ZNF518A: variants seen among roughly 807,000 people sequenced by gnomAD.
The protein encoded by ZNF518A is zinc finger protein 518A, also known as zinc finger protein 518.
ZNF518A carries 47 observed loss-of-function variants against 102.7 expected under a neutral mutation model. That is an observed-to-expected ratio of 0.46 (90% CI 0.36 to 0.58). The LOEUF (loss-of-function observed/expected upper bound fraction) is 0.58. ZNF518A is among the 20% of genes least tolerant of loss of function. The pLI is 0.00. For synonymous variants in ZNF518A, 652 were observed against 594.6 expected (o/e 1.10, Z -1.40); for missense variants, 1,793 against 1,699.8 (o/e 1.05, Z -0.96).
intron 3 of ZNF518A, among the ~76,000 whole-genome samples, chr10:96,146,192 C>T (rs1405392256): frequency 6.6e-6 from 1 of 151,994 alleles, no homozygotes; most frequent in Non-Finnish European, 1.5e-5. Flanking sequence ...TATTCCCTTA[C>T]AATACTGTAA....
At chr10:96,191,970 C>A in intron 1 of ZNF518A, 1 of 1,613,210 alleles carries the variant, frequency 6.2e-7, no homozygotes, top group Non-Finnish European at 8.5e-7. Context: ...TTTTTTTCCC[C>A]CTTTATGAAA....
intron 3 of ZNF518A, among the ~76,000 whole-genome samples, chr10:96,154,980 A>T (rs772010772): frequency 1.3e-4 from 20 of 152,200 alleles, no homozygotes; most frequent in Non-Finnish European, 2.6e-4. Context: ...ACCTTTGGAT[A>T]GACATTATGG....
In ZNF518A at chr10:96,156,821, C is replaced by G; in HGVS notation, c.499C>G (p.Gln167Glu). Residue 167 changes from glutamine (Q) to glutamate (E), a missense_variant, in exon 6 of 6, where the codon CAA becomes GAA. Gln to Glu is a conservative substitution (Grantham distance 29, BLOSUM62 2). Around this residue, in one of 3 missense-constraint regions of ZNF518A, gnomAD observed 1,741 missense variants for 1,622.6 expected, o/e 1.07. Transcript: ENST00000316045. ...AGCAAATGACTTTCAGGTATTTAAA[C>G]AACACAGACGAACCCATAGAAGCAC... is the stretch of plus-strand genomic sequence containing the variant. Reference protein sequence around the residue: ...FSANDFQVFKQHRRTHRSTLV... With the variant: ...FSANDFQVFKEHRRTHRSTLV... 4 of 1,613,860 alleles carry G rather than the reference C, an allele frequency of 2.5e-6. No homozygotes were observed. Among genetic ancestry groups the G allele is most frequent in the Non-Finnish European group, 3.4e-6 (4 of 1,179,816 alleles).
chr10:96,175,229 G>C (rs1380751664), intron 1 of ZNF518A, among the ~76,000 whole-genome samples: 4 of 152,162 alleles, frequency 2.6e-5, no homozygotes, highest in Admixed American at 2.0e-4. Flanking sequence ...TATGAATATA[G>C]ATGCAATAAA....
chr10:96,205,029 A>G (rs1554897114), downstream of ZNF518A: 1 of 280,460 alleles, frequency 3.6e-6, no homozygotes, highest in African/African-American at 2.2e-5. Flanking sequence ...TTGATTAGTC[A>G]TAAGACGTGG....
rs782608058 is a variant in ZNF518A, at chr10:96,192,033, A to T, written n.36-11541A>T. 3.7e-6 allele frequency: 6 copies of T among 1,613,686 alleles called. No individual in the cohort carries two copies. The African/African-American group carries it at 8.0e-5, about 22-fold the overall frequency. ...AATCTTTTGTGTTATTCTGACTGTC[A>T]ATAAGAACCAAAGGACTATGTTGAT... On this transcript the variant is annotated intron_variant and non_coding_transcript_variant, in intron 1 of 2. Coordinates refer to the ZNF518A transcript ENST00000442635.
At chr10:96,133,474 A>T (rs1442171746) in intron 2 of ZNF518A, 109 bp from the exon 3 acceptor site, 1 of 152,190 alleles carries the variant, frequency 6.6e-6, no homozygotes, top group Non-Finnish European at 1.5e-5. Flanking sequence ...AATCTATGGT[A>T]TTATAAGGAA....
downstream of ZNF518A, chr10:96,204,240 A>C (rs1193269310): frequency 1.1e-6 from 1 of 874,028 alleles, no homozygotes; most frequent in African/African-American, 1.7e-5. Flanking sequence ...AAGAGCCACC[A>C]AAACCTTAAA....
chr10:96,132,265 T>A (rs1013766358), intron 1 of ZNF518A, among the ~76,000 whole-genome samples: 2 of 151,566 alleles, frequency 1.3e-5, no homozygotes, highest in African/African-American at 2.4e-5. Flanking sequence ...TAAGGGTTAG[T>A]ATTGTGGTGG....
chr10:96,137,248 CT>C (rs1332851138), intron 3 of ZNF518A, among the ~76,000 whole-genome samples: 1 of 62,878 alleles, frequency 1.6e-5, no homozygotes, highest in African/African-American at 3.8e-5. Context: ...CATTTCTTTC[CT>C]ATCCTTTATC....
rs143894257 is a variant in ZNF518A at position 96,130,993 on chromosome 10, A to G, written c.-453+241A>G. Among the ~76,000 whole-genome samples, 1,081 of 152,354 alleles carry G rather than the reference A, an allele frequency of 7.1e-3. 14 individuals are homozygous for G. The highest frequency in any genetic ancestry group is 0.023 in the African/African-American group (966 of 41,594). ...AACAGATGTAGCTTTAAAGTTCAGA[A>G]TACAACAGTTAAGACTCAGTTTTCT... On this transcript the variant is annotated intron_variant, in intron 1 of 5. Coordinates refer to ENST00000316045, the MANE Select transcript of ZNF518A (RefSeq NM_001330736.2).
chr10:96,184,032 T>C (rs1554892289), intron 1 of ZNF518A, among the ~76,000 whole-genome samples: 1 of 152,264 alleles, frequency 6.6e-6, no homozygotes, highest in Non-Finnish European at 1.5e-5. Context: ...GATAGTTAGC[T>C]CTTCTTGTTG....
At chr10:96,179,900 A>G (rs1200312286) in intron 1 of ZNF518A, among the ~76,000 whole-genome samples, 3 of 110,428 alleles carry the variant, frequency 2.7e-5, no homozygotes, top group Admixed American at 1.0e-4. Context: ...TTTTTTTGAC[A>G]TGGAGTCTCG....
chr10:96,158,005 A>G lies in ZNF518A; in HGVS notation c.1683A>G (p.Thr561=), dbSNP rs1182279091. The change falls in exon 6 of 6, where the codon ACA becomes ACG. Residue 561 remains threonine, a synonymous_variant. Transcript: ENST00000316045. ...TGTCAGCAACATCAGAATTGGTTAC[A>G]GCATCAGTGAATTTGACCACAAAAT... The part of the protein sequence containing the change: ...SSLSATSELV[T]ASVNLTTKFE... The G allele has an allele frequency of 5.6e-6, 9 of 1,613,726 alleles. No individual in the cohort carries two copies. The highest frequency in any genetic ancestry group is 7.6e-6 in the Non-Finnish European group (9 of 1,179,816).
In ZNF518A at chr10:96,156,578, A is replaced by C. The variant is rs587679416; in HGVS notation, c.256A>C (p.Ser86Arg). ...SKQQTARKSI[S>R]IKTVSCVEEC... ...ACAGCAGACTGCAAGAAAATCTATC[A>C]GTATAAAGACTGTAAGCTGTGTAGA... Residue 86 changes from serine (S) to arginine (R), a missense_variant, in exon 6 of 6, where the codon AGT becomes CGT. Around this residue, in one of 3 missense-constraint regions of ZNF518A, gnomAD observed 1,741 missense variants for 1,622.6 expected, o/e 1.07. Transcript: ENST00000316045. 2.7e-5 allele frequency: 43 copies of C among 1,613,002 alleles called. No homozygotes were observed. Among genetic ancestry groups the C allele is most frequent in the Middle Eastern group, 1.6e-4 (1 of 6,080 alleles).
At position 96,200,980 on chromosome 10, in the gene ZNF518A, A is replaced by G; in HGVS notation, n.36-2594A>G. ...TAGTGACATCAAGAGTTCATTTCAT[A>G]CCTGTTCTGAAATAGTGGAATTAGA... On this transcript the variant is annotated intron_variant and non_coding_transcript_variant, in intron 1 of 2. Coordinates refer to the ZNF518A transcript ENST00000442635. This position sits in a 1 kb window ranked among gnomAD's most constrained non-coding sequence, Gnocchi z 4.3. The G allele has an allele frequency of 6.2e-7, 1 of 1,613,532 alleles. No homozygotes were observed. The highest frequency in any genetic ancestry group is 8.5e-7 in the Non-Finnish European group (1 of 1,179,442).
chr10:96,130,310 GTT>G lies in ZNF518A; in HGVS notation c.-891_-890del, dbSNP rs1337648573. On this transcript the variant is annotated 5_prime_UTR_variant, in exon 1 of 6. Coordinates refer to ENST00000316045, the MANE Select transcript of ZNF518A (RefSeq NM_001330736.2). ...GCGCTTCCGCTTAACTTGCCGCAAAGTTTTTCTGGAGAAGTCGGGGTTTTTTT... is the reference window on the plus strand; with the variant it reads ...GCGCTTCCGCTTAACTTGCCGCAAAGTTTCTGGAGAAGTCGGGGTTTTTTT... Among the ~76,000 whole-genome samples the G allele has an allele frequency of 6.6e-6, 1 of 152,246 alleles. No homozygotes were observed. The highest frequency in any genetic ancestry group is 1.5e-5 in the Non-Finnish European group (1 of 68,046).
chr10:96,144,861 CTTT>C (rs1554877821), intron 3 of ZNF518A, among the ~76,000 whole-genome samples: 1 of 151,844 alleles, frequency 6.6e-6, no homozygotes, highest in Non-Finnish European at 1.5e-5. Flanking sequence ...AAATTCAGCA[CTTT>C]ATTAAAGAAT....
intron 1 of ZNF518A, among the ~76,000 whole-genome samples, chr10:96,202,940 C>T (rs148212028): frequency 7.9e-5 from 12 of 152,350 alleles, no homozygotes; most frequent in African/African-American, 2.9e-4. Context: ...ATCCTGTCTA[C>T]AGCAGCAGCC....
Sources: allele counts gnomAD v4.1 joint callset (sites outside exome capture counted in the v4.1 genomes callset), GRCh38; gene constraint gnomAD v4.1.1; regional missense constraint gnomAD v4.1.1; non-coding constraint Gnocchi (gnomAD v3.1); transcripts MANE v1.5; gene names NCBI Gene and HGNC (gene_info 2026-07-23, HGNC 2026-07-21).